The following ZBTB16 variants were observed in gnomAD, a reference collection of about 807,000 sequenced individuals.
The protein encoded by ZBTB16 is zinc finger and BTB domain containing 16, also known as zinc finger and BTB domain-containing protein 16.
In ZBTB16, 8 loss-of-function variants were observed where a neutral mutation model predicts 56.8. The ratio of observed to expected loss-of-function variants is 0.14; its 90% CI spans 0.08 to 0.25. The LOEUF is 0.25. Among genes scored for constraint, ZBTB16 ranks in the 10% least tolerant of loss-of-function variants. The pLI is 1.00. For missense variants in ZBTB16, 625 were observed against 903.0 expected (o/e 0.69, Z 3.95); for synonymous variants, 363 against 368.5 (o/e 0.98, Z 0.17).
At chr11:114,213,834 A>G (rs747579860) in intron 4 of ZBTB16, among the ~76,000 whole-genome samples, 6 of 152,224 alleles carry the variant, frequency 3.9e-5, no homozygotes, top group Non-Finnish European at 8.8e-5. Context: ...CAGAGGAGTT[A>G]AGTAACTTAC....
chr11:114,062,446 C>T (rs1183206566), intron 1 of ZBTB16, among the ~76,000 whole-genome samples: 1 of 152,216 alleles, frequency 6.6e-6, no homozygotes, highest in African/African-American at 2.4e-5. Context: ...TACATACACA[C>T]AGTTCAGATT....
chr11:114,227,564 C>G (rs1944355640), intron 4 of ZBTB16, among the ~76,000 whole-genome samples: 1 of 152,344 alleles, frequency 6.6e-6, no homozygotes, highest in South Asian at 2.1e-4. Context: ...GGTCGCAGCT[C>G]TCATGCAGCT....
chr11:114,165,351 A>G (rs770607671), intron 3 of ZBTB16, among the ~76,000 whole-genome samples: 24 of 152,162 alleles, frequency 1.6e-4, no homozygotes, highest in South Asian at 2.1e-4. Flanking sequence ...TGTGTTGAGA[A>G]TGGGCAAGTA....
chr11:114,235,629 CCTTTCTTTCTTT>C (rs746433237), intron 4 of ZBTB16, among the ~76,000 whole-genome samples: 18 of 97,792 alleles, frequency 1.8e-4, no homozygotes, highest in African/African-American at 3.3e-4. Flanking sequence ...CCTCTCCCTT[CCTTTCTTTCTTT>C]CTTTCTTTCT....
chr11:114,188,514 G>A (rs1380818403), intron 4 of ZBTB16: 1 of 152,206 alleles, frequency 6.6e-6, no homozygotes, highest in African/African-American at 2.4e-5. Flanking sequence ...GGGTTGTTGT[G>A]GGGATGAAAT....
In ZBTB16 at chr11:114,064,217, T is replaced by G. The variant is rs1385886510; in HGVS notation, c.917T>G (p.Val306Gly). The G allele has an allele frequency of 6.2e-7, 1 of 1,613,920 alleles. No individual in the cohort carries two copies. The highest frequency in any genetic ancestry group is 1.1e-5 in the South Asian group (1 of 91,084). The change falls in exon 2 of 7, where the codon GTG becomes GGG. Residue 306 changes from valine (V) to glycine (G), a missense_variant. Val to Gly is a moderately radical substitution (Grantham distance 109, BLOSUM62 -3). This residue lies in a region of ZBTB16 where 384 missense variants were observed against 393.5 expected (regional missense o/e 0.98). Transcript: ENST00000335953. The surrounding 1 kb of genome is among the most constrained non-coding windows in gnomAD (Gnocchi z 4.2). ...GGGCGAGAGGAGAGTGCCGAGCAGGTGCCACCCCCAGCTGAGGCTGGCCAG... is the reference window on the plus strand; with the variant it reads ...GGGCGAGAGGAGAGTGCCGAGCAGGGGCCACCCCCAGCTGAGGCTGGCCAG... ...HYGREESAEQ[V>G]PPPAEAGQAP...
chr11:114,123,009 G>C (rs1032650771), intron 2 of ZBTB16, among the ~76,000 whole-genome samples: 2 of 152,114 alleles, frequency 1.3e-5, no homozygotes, highest in Non-Finnish European at 2.9e-5. Flanking sequence ...GTCTGGGGAG[G>C]GCTCTTTTTC....
At chr11:114,070,415 C>T (rs1447008182) in intron 2 of ZBTB16, among the ~76,000 whole-genome samples, 1 of 152,182 alleles carries the variant, frequency 6.6e-6, no homozygotes, top group Non-Finnish European at 1.5e-5. Context: ...GCCCAGAGTA[C>T]CTTTCTAAAG....
At chr11:114,207,716 C>T (rs971375427) in intron 4 of ZBTB16, among the ~76,000 whole-genome samples, 7 of 152,124 alleles carry the variant, frequency 4.6e-5, no homozygotes, top group Non-Finnish European at 5.9e-5. Flanking sequence ...TGGGTTCAAG[C>T]GATTCTCCTG....
Position 114,254,097 on chromosome 11 carries a change from G to T in ZBTB16, c.*3542G>T, listed in dbSNP as rs537872444. Among the ~76,000 whole-genome samples, 1 of 115,768 alleles carries T rather than the reference G, an allele frequency of 8.6e-6. No homozygotes were observed. The highest frequency in any genetic ancestry group is 1.9e-5 in the Non-Finnish European group (1 of 53,782). 75.9% of individuals were successfully genotyped at this position (115,768 alleles called of 152,430 possible). On this transcript the variant is annotated 3_prime_UTR_variant, in exon 7 of 7. Coordinates refer to ENST00000335953, the MANE Select transcript of ZBTB16 (RefSeq NM_006006.6). ...GCATTTGGTGACATTTACACCTCAT[G>T]TGCTCTTTCCCTATTCACTCCTTCA...
chr11:114,184,535 G>C (rs1943321339), intron 3 of ZBTB16, among the ~76,000 whole-genome samples: 1 of 152,152 alleles, frequency 6.6e-6, no homozygotes, highest in Non-Finnish European at 1.5e-5. Context: ...GAGGCCGAAG[G>C]GTACGGGGAT....
intron 3 of ZBTB16, among the ~76,000 whole-genome samples, chr11:114,179,864 G>A (rs574227612): frequency 1.7e-4 from 26 of 152,288 alleles, no homozygotes; most frequent in African/African-American, 6.0e-4. Context: ...CAGGTAGGGA[G>A]GGAGGTTCTT....
intron 2 of ZBTB16, among the ~76,000 whole-genome samples, chr11:114,145,854 G>T (rs937072025): frequency 2.0e-5 from 3 of 152,172 alleles, no homozygotes; most frequent in Non-Finnish European, 2.9e-5. Flanking sequence ...ACTCTATACA[G>T]CACACCCTGG....
At chr11:114,115,585 C>T (rs1941147038) in intron 2 of ZBTB16, among the ~76,000 whole-genome samples, 1 of 152,056 alleles carries the variant, frequency 6.6e-6, no homozygotes, top group Admixed American at 6.6e-5. Context: ...GGACGTCTCC[C>T]AGTGGGGTAC....
intron 2 of ZBTB16, among the ~76,000 whole-genome samples, chr11:114,069,737 A>G (rs541787609): frequency 2.6e-5 from 4 of 152,364 alleles, no homozygotes; most frequent in Admixed American, 1.3e-4. Context: ...ATGCTGTAGA[A>G]TAATGATAGC....
At chr11:114,249,850 A>T (rs561480869) in intron 6 of ZBTB16, among the ~76,000 whole-genome samples, 92 of 149,720 alleles carry the variant, frequency 6.1e-4, no homozygotes, top group Non-Finnish European at 7.2e-4. Context: ...GGGTTCCCTC[A>T]ATTTCCCCCC....
At chr11:114,235,285 C>A (rs1471500382) in intron 4 of ZBTB16, among the ~76,000 whole-genome samples, 2 of 152,192 alleles carry the variant, frequency 1.3e-5, no homozygotes, top group East Asian at 3.8e-4. Flanking sequence ...GCAGTCCCAG[C>A]CTGCTTACCA....
chr11:114,246,425 T>G (rs1944818494), intron 5 of ZBTB16, among the ~76,000 whole-genome samples: 1 of 152,126 alleles, frequency 6.6e-6, no homozygotes, highest in African/African-American at 2.4e-5. Context: ...GAGACTAATA[T>G]CTTTCTTTAA....
chr11:114,059,833 AC>A lies in ZBTB16; in HGVS notation c.-134del. Reference sequence around the variant, plus strand: ...ACACCCCTCCCCGACACAGGCACACACCCCCCGACAGGCACGCACACCCACC... The same window carrying A: ...ACACCCCTCCCCGACACAGGCACACACCCCCGACAGGCACGCACACCCACC... On this transcript the variant is annotated 5_prime_UTR_variant, in exon 1 of 7. Transcript: ENST00000335953. The surrounding 1 kb of genome is among the most constrained non-coding windows in gnomAD (Gnocchi z 5.3). The A allele has an allele frequency of 2.5e-6, 1 of 396,810 alleles. No individual in the cohort carries two copies. Among genetic ancestry groups the A allele is most frequent in the Non-Finnish European group, 4.4e-6 (1 of 225,470 alleles). The allele number at this position is 396,810 out of a possible 1,614,324, so 24.6% of individuals were successfully genotyped here. A position where few individuals can be genotyped will look rare whatever the true frequency, so the allele number is the denominator to read the frequency against.
Sources: gnomAD v4.1 joint callset for allele counts (sites outside exome capture counted in the v4.1 genomes callset) on GRCh38, gnomAD v4.1.1 for gene constraint, gnomAD v4.1.1 regional missense constraint, Gnocchi (gnomAD v3.1) non-coding constraint, MANE v1.5 for transcripts, NCBI Gene and HGNC (gene_info 2026-07-23, HGNC 2026-07-21) for gene names.